NR6A1: variants seen among roughly 807,000 people sequenced by gnomAD.
NR6A1 encodes nuclear receptor subfamily 6 group A member 1.
Under a neutral mutation model 59.1 loss-of-function variants are expected in NR6A1, and 7 were observed. That is an observed-to-expected ratio of 0.12 (90% confidence interval 0.07 to 0.22). NR6A1 has a LOEUF of 0.22. Ranked by LOEUF, NR6A1 falls within the 10% of genes least tolerant of loss-of-function variation. NR6A1 has a pLI of 1.00. For missense variants in NR6A1, 468 were observed against 611.6 expected (o/e 0.77, Z 2.48); for synonymous variants, 243 against 236.1 (o/e 1.03, Z -0.27).
At chr9:124,551,441 T>A (rs985162775) in intron 3 of NR6A1, among the ~76,000 whole-genome samples, 1 of 152,218 alleles carries the variant, frequency 6.6e-6, no homozygotes, top group Non-Finnish European at 1.5e-5. Flanking sequence ...CTGACTCTCA[T>A]TGTCCACAAT....
chr9:124,683,276 A>T (rs1217422111), intron 2 of NR6A1, among the ~76,000 whole-genome samples: 2 of 152,138 alleles, frequency 1.3e-5, no homozygotes, highest in African/African-American at 4.8e-5. Context: ...GGAAAAGACA[A>T]GACAAAACAA....
intron 4 of NR6A1, among the ~76,000 whole-genome samples, chr9:124,540,478 A>C (rs1328662286): frequency 6.6e-6 from 1 of 152,062 alleles, no homozygotes; most frequent in Non-Finnish European, 1.5e-5. Context: ...CTAACCCTGA[A>C]ACACCACTCC....
rs1029108732 is a variant in NR6A1, at chr9:124,665,748, A to T, written c.142+67560T>A. Among the ~76,000 whole-genome samples, 13 of 150,044 alleles carry T rather than the reference A, an allele frequency of 8.7e-5. No homozygotes were observed. In the East Asian group the frequency reaches 2.3e-3, roughly 27 times the overall value. ...AACCCATGACTAATCTGGGCTCTTAACAACCAAGAATATTTGAGACATGGA... is the reference window on the plus strand; with the variant it reads ...AACCCATGACTAATCTGGGCTCTTATCAACCAAGAATATTTGAGACATGGA... On this transcript the variant is annotated intron_variant, in intron 2 of 9. Coordinates refer to ENST00000487099, the MANE Select transcript of NR6A1 (RefSeq NM_033334.4).
intron 7 of NR6A1, among the ~76,000 whole-genome samples, chr9:124,530,509 C>G (rs1460330444): frequency 1.3e-5 from 2 of 152,204 alleles, no homozygotes; most frequent in African/African-American, 2.4e-5. Context: ...CAAACACACC[C>G]ATTCTTCTTC....
intron 2 of NR6A1, among the ~76,000 whole-genome samples, chr9:124,568,854 C>T (rs1432291975): frequency 6.6e-6 from 1 of 151,882 alleles, no homozygotes; most frequent in Non-Finnish European, 1.5e-5. Context: ...TGGCTCACGC[C>T]TGTAATCCCA....
chr9:124,567,065 G>A (rs1222941360), intron 2 of NR6A1, among the ~76,000 whole-genome samples: 2 of 150,774 alleles, frequency 1.3e-5, no homozygotes, highest in African/African-American at 4.9e-5. Context: ...CCGAGATCCC[G>A]CCACTGCACT....
At chr9:124,523,777 C>T (rs536760936) in intron 9 of NR6A1, among the ~76,000 whole-genome samples, 1 of 152,280 alleles carries the variant, frequency 6.6e-6, no homozygotes, top group Admixed American at 6.5e-5. Flanking sequence ...AAAAAATTCC[C>T]TTGTCAGATT....
chr9:124,587,919 G>A (rs538529971), intron 2 of NR6A1, among the ~76,000 whole-genome samples: 1 of 152,278 alleles, frequency 6.6e-6, no homozygotes, highest in Middle Eastern at 3.4e-3. Context: ...CTAGGTTGGA[G>A]TGCAATGGCA....
chr9:124,522,849 A>G, intron 9 of NR6A1, 56 bp from the exon 10 acceptor site: 1 of 1,425,180 alleles, frequency 7.0e-7, no homozygotes, highest in South Asian at 1.2e-5. Flanking sequence ...TGGACAGGCA[A>G]GTCAGCCTCC....
chr9:124,520,874 T>C lies in NR6A1; in HGVS notation c.*1831A>G, dbSNP rs958826063. Reference sequence around the variant, plus strand: ...CATGTCTCTTCCTTCTCAGAGCAACTGGGGAAACGGCATTGAGGAGTAATG... The same window carrying C: ...CATGTCTCTTCCTTCTCAGAGCAACCGGGGAAACGGCATTGAGGAGTAATG... On this transcript the variant is annotated 3_prime_UTR_variant, in exon 10 of 10. Coordinates refer to ENST00000487099, the MANE Select transcript of NR6A1 (RefSeq NM_033334.4). 1 of 152,212 alleles carries C rather than the reference T, an allele frequency of 6.6e-6. No homozygotes were observed. The highest frequency in any genetic ancestry group is 2.4e-5 in the African/African-American group (1 of 41,446). The allele number at this position is 152,212 out of a possible 1,614,324, so 9.4% of individuals were successfully genotyped here. A position where few individuals can be genotyped will look rare whatever the true frequency, so the allele number is the denominator to read the frequency against.
chr9:124,557,100 T>C (rs1588664280), intron 2 of NR6A1, among the ~76,000 whole-genome samples: 1 of 152,150 alleles, frequency 6.6e-6, no homozygotes, highest in East Asian at 1.9e-4. Context: ...CAGTGACAAA[T>C]TGACATAACC....
chr9:124,682,338 G>A (rs1260225304), intron 2 of NR6A1, among the ~76,000 whole-genome samples: 1 of 152,124 alleles, frequency 6.6e-6, no homozygotes, highest in Non-Finnish European at 1.5e-5. Context: ...TTAAGATCTA[G>A]TACGGTATCA....
chr9:124,690,047 A>G (rs565366309), intron 2 of NR6A1, among the ~76,000 whole-genome samples: 14 of 152,206 alleles, frequency 9.2e-5, no homozygotes, highest in Non-Finnish European at 2.1e-4. Context: ...AGAAACATGA[A>G]TTCACACTGA....
At chr9:124,565,815 AC>A (rs1834225037) in intron 2 of NR6A1, among the ~76,000 whole-genome samples, 1 of 152,228 alleles carries the variant, frequency 6.6e-6, no homozygotes, top group Admixed American at 6.5e-5. Context: ...ATTTAAAAAG[AC>A]TTCAAGTTAT....
rs769485575 is a variant in NR6A1 at position 124,526,810 on chromosome 9, A to C, written c.1170T>G (p.Ala390=). 9 of 1,614,006 alleles carry C rather than the reference A, an allele frequency of 5.6e-6. No individual in the cohort carries two copies. The highest frequency in any genetic ancestry group is 1.3e-5 in the African/African-American group (1 of 75,032). ...HQLKVSNEEY[A]CMKAINFLNQ... ...TTAGGAAGTTAATTGCTTTCATGCAAGCATACTCCTCGTTGCTGACCTTTA... is the reference window on the plus strand; with the variant it reads ...TTAGGAAGTTAATTGCTTTCATGCACGCATACTCCTCGTTGCTGACCTTTA... The change falls in exon 8 of 10, where the codon GCT becomes GCG. Residue 390 remains alanine (A), a synonymous_variant. Transcript: ENST00000487099.
chr9:124,692,355 G>A (rs1015197062), intron 2 of NR6A1: 3 of 372,250 alleles, frequency 8.1e-6, no homozygotes, highest in South Asian at 2.2e-5. Context: ...AAATACTCTC[G>A]ACTTGAAACC....
rs71492413 is a variant in NR6A1 at position 124,525,284 on chromosome 9, A to AACACACACACACACAC, written c.1202-427_1202-412dup. Among the ~76,000 whole-genome samples, 340 of 137,386 alleles carry AACACACACACACACAC rather than the reference A, an allele frequency of 2.5e-3. 2 individuals are homozygous for AACACACACACACACAC. Among genetic ancestry groups the AACACACACACACACAC allele is most frequent in the African/African-American group, 7.3e-3 (261 of 35,930 alleles). 90.1% of individuals were successfully genotyped at this position (137,386 alleles called of 152,430 possible). On this transcript the variant is annotated intron_variant, in intron 8 of 9. Coordinates refer to ENST00000487099, the MANE Select transcript of NR6A1 (RefSeq NM_033334.4). ...AATACCTACACATTCATGCTTGTAA[A>AACACACACACACACAC]ACACACACACACACACACACACACA...
chr9:124,753,794 T>C lies in NR6A1; in HGVS notation c.100+17226A>G, dbSNP rs189325535. Among the ~76,000 whole-genome samples the C allele has an allele frequency of 6.8e-4, 103 of 152,258 alleles. 1 individual carries two copies. The highest frequency in any genetic ancestry group is 2.4e-3 in the African/African-American group (99 of 41,554). On this transcript the variant is annotated intron_variant, in intron 1 of 9. Transcript: ENST00000487099. ...TTCCTGTATATCAGAGACAGGAGCA[T>C]TTGCTCTGGTTCTAATACTTCCCAC...
chr9:124,771,024 G>T lies in NR6A1; in HGVS notation c.96C>A (p.Arg32=). 1.6e-6 allele frequency: 2 copies of T among 1,229,142 alleles called. No homozygotes were observed. Among genetic ancestry groups the T allele is most frequent in the Non-Finnish European group, 2.0e-6 (2 of 985,826 alleles). 76.1% of individuals were successfully genotyped at this position (1,229,142 alleles called of 1,614,324 possible). ...CGTCGCAGGCCCCTCACCCACCGTT[G>T]CGCGGCGGCGGAGGGAGCGCGGCGG... ...EPPAALPPPP[R]NGFCQDELAE... Residue 32 remains arginine (R), a synonymous_variant, in exon 1 of 10, where the codon CGC becomes CGA. Transcript: ENST00000487099.
Sources: allele counts gnomAD v4.1 joint callset (sites outside exome capture counted in the v4.1 genomes callset), GRCh38; gene constraint gnomAD v4.1.1; transcripts MANE v1.5; gene names NCBI Gene and HGNC (gene_info 2026-07-23, HGNC 2026-07-21).